The following EEPD1 variants were observed in gnomAD, a reference collection of about 807,000 sequenced individuals.
EEPD1 encodes endonuclease/exonuclease/phosphatase family domain-containing protein 1.
A neutral mutation model predicts 46.3 loss-of-function variants in EEPD1; 17 were observed. The observed-to-expected ratio is 0.37, with a 90% CI of 0.25 to 0.55. The LOEUF (loss-of-function observed/expected upper bound fraction) is 0.55, where lower values mean the gene tolerates loss of function less well. EEPD1 is among the 20% of genes least tolerant of loss of function. EEPD1 has a pLI of 0.83. For missense variants in EEPD1, 673 were observed against 745.6 expected (o/e 0.90, Z 1.13); for synonymous variants, 313 against 315.6 (o/e 0.99, Z 0.09).
At chr7:36,202,404 C>T (rs565868325) in intron 2 of EEPD1, among the ~76,000 whole-genome samples, 189 of 152,210 alleles carry the variant, frequency 1.2e-3, no homozygotes, top group Non-Finnish European at 2.2e-3. Flanking sequence ...TTGGGTTTCT[C>T]ATCCTGTTCG....
rs552549752 is a variant in EEPD1 at position 36,236,219 on chromosome 7, T to C, written c.879-2766T>C. Among the ~76,000 whole-genome samples, 30 of 152,340 alleles carry C rather than the reference T, an allele frequency of 2.0e-4. 1 individual carries two copies. Among genetic ancestry groups the C allele is most frequent in the Admixed American group, 4.6e-4 (7 of 15,310 alleles). ...CTCAAGGAGCCCTTCAGCCGGCGGCTGCGCTGTGAGGGCCCCTCTCTGGGG... is the reference window on the plus strand; with the variant it reads ...CTCAAGGAGCCCTTCAGCCGGCGGCCGCGCTGTGAGGGCCCCTCTCTGGGG... On this transcript the variant is annotated intron_variant, in intron 2 of 7. Transcript: ENST00000242108.
intron 3 of EEPD1, among the ~76,000 whole-genome samples, chr7:36,271,417 A>G (rs1185410037): frequency 2.0e-5 from 3 of 152,148 alleles, no homozygotes; most frequent in African/African-American, 7.2e-5. Flanking sequence ...TCTTTTGAGA[A>G]GTGTCTGTTC....
chr7:36,284,415 G>A (rs1787308361), intron 4 of EEPD1, among the ~76,000 whole-genome samples: 1 of 152,210 alleles, frequency 6.6e-6, no homozygotes. Context: ...TCTGTGCCTA[G>A]CCGGGGCTTC....
rs557856386 is a variant in EEPD1 at position 36,206,911 on chromosome 7, T to G, written c.879-32074T>G. On this transcript the variant is annotated intron_variant, in intron 2 of 7. Transcript: ENST00000242108. ...CAAAAATATAAACATTAGCCAGGTG[T>G]GGTGGCGTGCACCTGTAATCCCAGC... is the stretch of plus-strand genomic sequence containing the variant. Among the ~76,000 whole-genome samples, 8 of 152,176 alleles carry G rather than the reference T, an allele frequency of 5.3e-5. No individual in the cohort carries two copies. The East Asian group carries it at 1.4e-3, about 26-fold the overall frequency.
At chr7:36,248,857 C>CT (rs1786684835) in intron 3 of EEPD1, among the ~76,000 whole-genome samples, 1 of 152,094 alleles carries the variant, frequency 6.6e-6, no homozygotes, top group Non-Finnish European at 1.5e-5. Flanking sequence ...TGTATGGAGT[C>CT]TAACTCAGGC....
chr7:36,200,212 A>G (rs905780141), intron 2 of EEPD1, among the ~76,000 whole-genome samples: 2 of 151,830 alleles, frequency 1.3e-5, no homozygotes, highest in African/African-American at 4.8e-5. Context: ...TCTTCCACTT[A>G]TAAGTGAGAA....
At chr7:36,199,505 G>A (rs1391031133) in intron 2 of EEPD1, among the ~76,000 whole-genome samples, 2 of 152,126 alleles carry the variant, frequency 1.3e-5, no homozygotes, top group African/African-American at 2.4e-5. Context: ...TGGGTTAGCA[G>A]TCATGACATC....
At chr7:36,173,325 TAAAAAAAA>T (rs34007011) in intron 2 of EEPD1, among the ~76,000 whole-genome samples, 1 of 103,622 alleles carries the variant, frequency 9.7e-6, no homozygotes, top group Non-Finnish European at 1.8e-5. Flanking sequence ...CGTTTATACT[TAAAAAAAA>T]AAAAAAAAAA....
At chr7:36,202,847 A>G (rs1346226805) in intron 2 of EEPD1, among the ~76,000 whole-genome samples, 1 of 152,184 alleles carries the variant, frequency 6.6e-6, no homozygotes, top group African/African-American at 2.4e-5. Context: ...ATTTGAACCC[A>G]GAATTCTCTT....
In EEPD1 at chr7:36,193,479, C is replaced by T. The variant is rs1483682559; in HGVS notation, c.878+38277C>T. ...TGGGAGGTCCCCCGGGGAGTGCGGT[C>T]CCCTGAAGGCAGAGGCAGAGGGAGG... On this transcript the variant is annotated intron_variant, in intron 2 of 7. Coordinates refer to ENST00000242108, the MANE Select transcript of EEPD1 (RefSeq NM_030636.3). The surrounding 1 kb of genome is among the most constrained non-coding windows in gnomAD (Gnocchi z 4.9). Among the ~76,000 whole-genome samples the T allele has an allele frequency of 6.6e-6, 1 of 152,112 alleles. No individual in the cohort carries two copies. Among genetic ancestry groups the T allele is most frequent in the Non-Finnish European group, 1.5e-5 (1 of 68,024 alleles).
Position 36,167,578 on chromosome 7 carries a change from G to A in EEPD1, c.878+12376G>A, listed in dbSNP as rs149128746. On this transcript the variant is annotated intron_variant, in intron 2 of 7. Coordinates refer to ENST00000242108, the MANE Select transcript of EEPD1 (RefSeq NM_030636.3). ...GAGCCTTCTACACTGCCACCCCCAC[G>A]CAGCAGCCTCCAGTTTGCCAAGTTC... is the stretch of plus-strand genomic sequence containing the variant. Among the ~76,000 whole-genome samples, 427 of 152,106 alleles carry A rather than the reference G, an allele frequency of 2.8e-3. 2 individuals carry two copies. The highest frequency in any genetic ancestry group is 8.1e-3 in the African/African-American group (334 of 41,490).
chr7:36,260,986 A>AT (rs1786913052), intron 3 of EEPD1, among the ~76,000 whole-genome samples: 1 of 152,230 alleles, frequency 6.6e-6, no homozygotes, highest in African/African-American at 2.4e-5. Context: ...CATAGATTAT[A>AT]AACAAATACT....
intron 2 of EEPD1, among the ~76,000 whole-genome samples, chr7:36,219,804 A>AATGTGT (rs1554315787): frequency 1.1e-5 from 1 of 87,616 alleles, no homozygotes; most frequent in Non-Finnish European, 2.3e-5. Flanking sequence ...AGAGAGAGAG[A>AATGTGT]GAGTGTGTGT....
In EEPD1 at chr7:36,207,003, C is replaced by T. The variant is rs910692465; in HGVS notation, c.879-31982C>T. Among the ~76,000 whole-genome samples the T allele has an allele frequency of 2.0e-5, 3 of 152,082 alleles. No homozygotes were observed. In the South Asian group the frequency reaches 6.2e-4, roughly 32 times the overall value. ...AGTGGAGGTTGCAGTGAGCTGAGATCGTGCCACTGTACTCCAGCCTGGGCA... is the reference window on the plus strand; with the variant it reads ...AGTGGAGGTTGCAGTGAGCTGAGATTGTGCCACTGTACTCCAGCCTGGGCA... On this transcript the variant is annotated intron_variant, in intron 2 of 7. Coordinates refer to ENST00000242108, the MANE Select transcript of EEPD1 (RefSeq NM_030636.3).
intron 6 of EEPD1, among the ~76,000 whole-genome samples, chr7:36,289,161 T>C (rs1213564671): frequency 1.3e-5 from 2 of 152,246 alleles, no homozygotes; most frequent in East Asian, 1.9e-4. Context: ...AAAGATTTTT[T>C]ACTGTGGTAA....
intron 2 of EEPD1, among the ~76,000 whole-genome samples, chr7:36,197,757 C>T (rs1213643538): frequency 6.6e-6 from 1 of 152,022 alleles, no homozygotes; most frequent in Non-Finnish European, 1.5e-5. Context: ...ATCTCAAGTA[C>T]CCAGGGACAC....
intron 3 of EEPD1, among the ~76,000 whole-genome samples, chr7:36,249,383 C>T (rs1339563282): frequency 6.6e-6 from 1 of 152,132 alleles, no homozygotes; most frequent in African/African-American, 2.4e-5. Context: ...TTGTGATGTC[C>T]CCATCCTTTG....
At chr7:36,296,320 T>C (rs1306013968) in intron 6 of EEPD1, among the ~76,000 whole-genome samples, 1 of 152,206 alleles carries the variant, frequency 6.6e-6, no homozygotes, top group Non-Finnish European at 1.5e-5. Context: ...TCTGGCTTCT[T>C]GATACCTTGT....
At chr7:36,173,746 G>C (rs542263326) in intron 2 of EEPD1, among the ~76,000 whole-genome samples, 1 of 152,298 alleles carries the variant, frequency 6.6e-6, no homozygotes, top group Admixed American at 6.5e-5. Context: ...TGGTATGAGG[G>C]TAGAGGAAGA....
Sources: allele counts gnomAD v4.1 joint callset (sites outside exome capture counted in the v4.1 genomes callset), GRCh38; gene constraint gnomAD v4.1.1; non-coding constraint Gnocchi (gnomAD v3.1); transcripts MANE v1.5; gene names NCBI Gene and HGNC (gene_info 2026-07-23, HGNC 2026-07-21).